SFT2D1: variants seen among roughly 807,000 people sequenced by gnomAD.
The protein encoded by SFT2D1 is SFT2 domain containing 1.
In SFT2D1, 24 loss-of-function variants were observed where a neutral mutation model predicts 28.1. The ratio of observed to expected loss-of-function variants is 0.85; its 90% confidence interval spans 0.62 to 1.20. The LOEUF (loss-of-function observed/expected upper bound fraction) is 1.20. Ranked by LOEUF, SFT2D1 falls within the 50% of genes most tolerant of loss-of-function variation. The pLI, the probability that SFT2D1 is intolerant of heterozygous loss-of-function variation, is 0.00. For synonymous variants in SFT2D1, 82 were observed against 73.7 expected, an observed-to-expected ratio of 1.11 and a Z score of -0.58; for missense variants, 181 against 190.9, an observed-to-expected ratio of 0.95 and a Z score of 0.31.
At chr6:166,334,695 C>T (rs1247439526) in intron 1 of SFT2D1, 2 of 249,264 alleles carry the variant, frequency 8.0e-6, no homozygotes, top group Non-Finnish European at 8.0e-6. Flanking sequence ...CCAATCTGAG[C>T]GATGGGGAAC....
At chr6:166,338,769 A>C (rs1333068912) in intron 1 of SFT2D1, among the ~76,000 whole-genome samples, 1 of 152,066 alleles carries the variant, frequency 6.6e-6, no homozygotes, top group Non-Finnish European at 1.5e-5. Context: ...TCAATGAAGG[A>C]TGTGATCAGG....
Position 166,324,560 on chromosome 6 carries a change from T to C in SFT2D1, c.387A>G (p.Ile129Met), listed in dbSNP as rs752845809. The C allele has an allele frequency of 6.2e-7, 1 of 1,612,992 alleles. No homozygotes were observed. The highest frequency in any genetic ancestry group is 1.7e-5 in the Admixed American group (1 of 59,390). ...HKKGLAVLFC[I>M]LQFLSMTWYS... ...ACCAGGTCATTGACAAGAACTGCAA[T>C]ATGCAGAATAACACAGCCAGTCCCT... Residue 129 changes from isoleucine to methionine, a missense_variant, in exon 6 of 8, where the codon ATA (isoleucine) becomes ATG (methionine). Physicochemically the swap from Ile to Met is conservative, Grantham distance 10 (BLOSUM62 1). Transcript: ENST00000361731.
intron 1 of SFT2D1, among the ~76,000 whole-genome samples, chr6:166,337,128 G>T (rs1197446208): frequency 6.6e-6 from 1 of 152,224 alleles, no homozygotes; most frequent in Admixed American, 6.5e-5. Flanking sequence ...AGCCCCTGGG[G>T]AGGTGCAGTC....
intron 5 of SFT2D1, 86 bp from the exon 6 acceptor site, chr6:166,324,681 A>C: frequency 8.4e-7 from 1 of 1,191,990 alleles, no homozygotes; most frequent in Non-Finnish European, 1.2e-6. Flanking sequence ...GTCTTTCAAA[A>C]ATGTAGATGA....
chr6:166,336,351 G>A (rs901645584), intron 1 of SFT2D1, among the ~76,000 whole-genome samples: 3 of 152,192 alleles, frequency 2.0e-5, no homozygotes, highest in Non-Finnish European at 4.4e-5. Context: ...AAAAATGATT[G>A]TTGGCACATC....
At chr6:166,328,232 A>G in intron 4 of SFT2D1, 44 bp downstream of exon 4, 1 of 1,269,214 alleles carries the variant, frequency 7.9e-7, no homozygotes, top group Non-Finnish European at 1.1e-6. Context: ...TAACAGTGCA[A>G]AGAATACTTC....
At chr6:166,326,509 G>A (rs1049005416) in intron 4 of SFT2D1, among the ~76,000 whole-genome samples, 4 of 152,182 alleles carry the variant, frequency 2.6e-5, no homozygotes, top group African/African-American at 4.8e-5. Flanking sequence ...CAGCTCTGAC[G>A]CCTGCTATCT....
chr6:166,326,401 CTG>C (rs1334454985), intron 4 of SFT2D1, among the ~76,000 whole-genome samples: 2 of 152,128 alleles, frequency 1.3e-5, no homozygotes, highest in Admixed American at 1.3e-4. Flanking sequence ...GTTAAGTAAA[CTG>C]AAAGATGATC....
intron 1 of SFT2D1, among the ~76,000 whole-genome samples, chr6:166,331,015 G>A (rs182934710): frequency 6.6e-6 from 1 of 152,332 alleles, no homozygotes; most frequent in East Asian, 1.9e-4. Flanking sequence ...TTATTCTAGA[G>A]CAACAGCATT....
chr6:166,330,102 T>C (rs1778522080), intron 2 of SFT2D1, 59 bp downstream of exon 2: 1 of 1,312,722 alleles, frequency 7.6e-7, no homozygotes, highest in Non-Finnish European at 1.0e-6. Flanking sequence ...TGGTACTAAA[T>C]GGAATTATTA....
At chr6:166,338,232 T>C (rs1013209515) in intron 1 of SFT2D1, among the ~76,000 whole-genome samples, 15 of 152,198 alleles carry the variant, frequency 9.9e-5, no homozygotes, top group African/African-American at 3.6e-4. Flanking sequence ...TATGTTCTTG[T>C]CATCTAACTC....
intron 1 of SFT2D1, among the ~76,000 whole-genome samples, chr6:166,341,830 G>A (rs200548453): frequency 4.1e-4 from 60 of 147,688 alleles, no homozygotes; most frequent in South Asian, 4.3e-4. Context: ...CTTTTATTAA[G>A]AAAAAAAAAA....
chr6:166,329,404 C>G, intron 3 of SFT2D1, 103 bp downstream of exon 3: 1 of 862,902 alleles, frequency 1.2e-6, no homozygotes. Context: ...GCTGAATTCA[C>G]AGTATGTACA....
At chr6:166,325,512 G>T (rs1244020154) in intron 5 of SFT2D1, among the ~76,000 whole-genome samples, 2 of 152,232 alleles carry the variant, frequency 1.3e-5, no homozygotes, top group African/African-American at 4.8e-5. Context: ...CAGGGTAGGA[G>T]AATGATTTCA....
chr6:166,328,260 T>C lies in SFT2D1; in HGVS notation c.315+16A>G. 2.6e-6 allele frequency: 4 copies of C among 1,532,278 alleles called. No individual in the cohort carries two copies. In the South Asian group the frequency reaches 3.7e-5, roughly 14 times the overall value. The allele number at this position is 1,532,278 out of a possible 1,614,324, so 94.9% of individuals were successfully genotyped here. ...AATACTTCAATAAAAGTTTTAAAAA[T>C]GTATTATTTACTTACAAGCATAACA... On this transcript the variant is annotated intron_variant, in intron 4 of 7. Coordinates refer to ENST00000361731, the MANE Select transcript of SFT2D1 (RefSeq NM_145169.3).
intron 6 of SFT2D1, chr6:166,323,642 G>A (rs1170569622): frequency 1.3e-5 from 2 of 152,238 alleles, no homozygotes; most frequent in Non-Finnish European, 2.9e-5. Flanking sequence ...CTACAAGGAG[G>A]ACAGTCTGAG....
chr6:166,342,460 G>C lies in SFT2D1; in HGVS notation c.22C>G (p.Leu8Val). 1 of 1,558,142 alleles carries C rather than the reference G, an allele frequency of 6.4e-7. No individual in the cohort carries two copies. The highest frequency in any genetic ancestry group is 8.7e-7 in the Non-Finnish European group (1 of 1,151,660). Reference sequence around the variant, plus strand: ...TGCTCCTCGTCGTCCTGGCCGCTCAGGACTCGCCGCAGCTTCTCCATGGCC... The same window carrying C: ...TGCTCCTCGTCGTCCTGGCCGCTCACGACTCGCCGCAGCTTCTCCATGGCC... MEKLRRV[L>V]SGQDDEEQGL... is the part of the protein sequence containing the mutation. Residue 8 changes from leucine (L) to valine (V), a missense_variant, in exon 1 of 8, where the codon CTG (leucine) becomes GTG (valine). By Grantham distance (32) the Leu-to-Val change is conservative. Transcript: ENST00000361731.
rs1778487906 is a variant in SFT2D1, at chr6:166,328,271, C to T, written c.315+5G>A. On this transcript the variant is annotated splice_donor_5th_base_variant and intron_variant, in intron 4 of 7. Coordinates refer to ENST00000361731, the MANE Select transcript of SFT2D1 (RefSeq NM_145169.3). ...AAAAGTTTTAAAAATGTATTATTTA[C>T]TTACAAGCATAACAATTGTTGCAAG... The T allele has an allele frequency of 3.2e-6, 5 of 1,566,272 alleles. No individual in the cohort carries two copies. In the East Asian group the frequency reaches 9.2e-5, roughly 29 times the overall value.
chr6:166,338,882 T>A (rs1778716197), intron 1 of SFT2D1, among the ~76,000 whole-genome samples: 1 of 152,154 alleles, frequency 6.6e-6, no homozygotes, highest in Non-Finnish European at 1.5e-5. Flanking sequence ...CTGGCTACCG[T>A]GCCTCTCCCC....
Sources: gnomAD v4.1 joint callset for allele counts (sites outside exome capture counted in the v4.1 genomes callset) on GRCh38, gnomAD v4.1.1 for gene constraint, MANE v1.5 for transcripts, NCBI Gene and HGNC (gene_info 2026-07-23, HGNC 2026-07-21) for gene names.